Variants in MIS18A observed in about 807,000 individuals in gnomAD.
MIS18A encodes MIS18 kinetochore protein A, also known as protein Mis18-alpha.
A neutral mutation model predicts 25.0 loss-of-function variants in MIS18A; 14 were observed. That is an observed-to-expected ratio of 0.56 (90% confidence interval 0.37 to 0.88). The LOEUF (loss-of-function observed/expected upper bound fraction) is 0.88. Ranked by LOEUF, MIS18A falls within the 40% of genes least tolerant of loss-of-function variation. The probability of loss-of-function intolerance (pLI) is 0.00; values close to 1 mark genes in which losing one functional copy is unlikely to be tolerated. For missense variants in MIS18A, 292 were observed against 290.8 expected, an observed-to-expected ratio of 1.00 and a Z score of -0.03; for synonymous variants, 134 against 118.6, an observed-to-expected ratio of 1.13 and a Z score of -0.84.
the MIS18A span, among the ~76,000 whole-genome samples, chr21:32,161,810 G>GT: frequency 9.3e-5 from 14 of 151,050 alleles, no homozygotes; most frequent in East Asian, 2.7e-3. Context: ...TTAAATAAAC[G>GT]TTTTTTGACT....
the MIS18A span, among the ~76,000 whole-genome samples, chr21:32,192,707 C>T: frequency 6.6e-6 from 1 of 152,232 alleles, no homozygotes; most frequent in Non-Finnish European, 1.5e-5. Context: ...CTCCCCACTT[C>T]CCCCTCTACA....
chr21:32,172,566 G>GT, the MIS18A span, among the ~76,000 whole-genome samples: 8 of 145,102 alleles, frequency 5.5e-5, no homozygotes, highest in Non-Finnish European at 1.2e-4. Flanking sequence ...TCCCAGATGC[G>GT]TTTTTTTTCC....
At chr21:32,194,167 G>A in the MIS18A span, among the ~76,000 whole-genome samples, 2 of 152,062 alleles carry the variant, frequency 1.3e-5, no homozygotes, top group Non-Finnish European at 2.9e-5. Flanking sequence ...GCCTTTCCAC[G>A]CAAGCCCTGA....
At chr21:32,175,388 C>G in the MIS18A span, among the ~76,000 whole-genome samples, 1 of 152,208 alleles carries the variant, frequency 6.6e-6, no homozygotes, top group East Asian at 1.9e-4. Context: ...TTAGGTCACA[C>G]AAATTTATAA....
chr21:32,269,840 G>T, intron 3 of MIS18A, 37 bp from the exon 4 acceptor site: 1 of 1,253,274 alleles, frequency 8.0e-7, no homozygotes, highest in Non-Finnish European at 1.2e-6. Context: ...CAAGCTGGGT[G>T]TGGTGGCATG....
chr21:32,247,296 C>T, the MIS18A span, among the ~76,000 whole-genome samples: 2 of 152,166 alleles, frequency 1.3e-5, no homozygotes, highest in Non-Finnish European at 2.9e-5. Context: ...CATCCCGTGG[C>T]TCAGGATTTG....
chr21:32,209,190 T>C, the MIS18A span, among the ~76,000 whole-genome samples: 1 of 151,740 alleles, frequency 6.6e-6, no homozygotes, highest in African/African-American at 2.4e-5. Context: ...ATGTTAAAAC[T>C]GGATACATTC....
At chr21:32,203,772 A>G in the MIS18A span, among the ~76,000 whole-genome samples, 1 of 151,946 alleles carries the variant, frequency 6.6e-6, no homozygotes, top group African/African-American at 2.4e-5. Context: ...ACATGCCACC[A>G]TGCCCAGCTA....
At position 32,269,821 on chromosome 21, in the gene MIS18A, G is replaced by C; in HGVS notation, c.525-18C>G. The C allele has an allele frequency of 2.7e-6, 4 of 1,458,352 alleles. No individual in the cohort carries two copies. The highest frequency in any genetic ancestry group is 3.9e-6 in the Non-Finnish European group (4 of 1,038,960). 90.3% of individuals were successfully genotyped at this position (1,458,352 alleles called of 1,614,324 possible). A position where few individuals can be genotyped will look rare whatever the true frequency, so the allele number is the denominator to read the frequency against. On this transcript the variant is annotated intron_variant, in intron 3 of 4. Coordinates refer to ENST00000290130, the MANE Select transcript of MIS18A (RefSeq NM_018944.3). ...AAACATAACTGAAGTACGGTACAAG[G>C]TTAAAATACAAGCTGGGTGTGGTGG...
the MIS18A span, among the ~76,000 whole-genome samples, chr21:32,159,828 A>G: frequency 4.6e-5 from 7 of 152,236 alleles, no homozygotes; most frequent in African/African-American, 1.7e-4. Flanking sequence ...GTCAACAGAA[A>G]GGAATGCTCA....
At chr21:32,155,932 C>A in the MIS18A span, among the ~76,000 whole-genome samples, 4 of 143,630 alleles carry the variant, frequency 2.8e-5, no homozygotes, top group Admixed American at 2.9e-4. Flanking sequence ...GGTAAAATAA[C>A]CAGTGTCACC....
At chr21:32,200,329 A>G in the MIS18A span, among the ~76,000 whole-genome samples, 1 of 152,146 alleles carries the variant, frequency 6.6e-6, no homozygotes, top group Non-Finnish European at 1.5e-5. Flanking sequence ...GGAACATTCT[A>G]GATCAATTGT....
chr21:32,276,460 C>CA (rs558102501), intron 1 of MIS18A, among the ~76,000 whole-genome samples: 1,899 of 72,616 alleles, frequency 0.026, 332 homozygotes, highest in African/African-American at 0.062. Flanking sequence ...GACTCTGTCT[C>CA]AAAAAAAAAA....
the MIS18A span, among the ~76,000 whole-genome samples, chr21:32,211,842 G>C: frequency 1.3e-5 from 2 of 152,154 alleles, no homozygotes; most frequent in East Asian, 1.9e-4. Flanking sequence ...ACATAATTTT[G>C]TTCCCATCTG....
rs770216513 is a variant in MIS18A, at chr21:32,278,684, G to T, written c.331C>A (p.Arg111Ser). The change falls in exon 1 of 5, where the codon CGC (arginine) becomes AGC (serine). Residue 111 changes from arginine (R) to serine (S), a missense_variant. Transcript: ENST00000290130. Reference sequence around the variant, plus strand: ...TGCCCGGCTCGACCCAACTGACAGCGAAGCAGGATGCAGTTGGTGTCCTCC... The same window carrying T: ...TGCCCGGCTCGACCCAACTGACAGCTAAGCAGGATGCAGTTGGTGTCCTCC... ...SQEDTNCILL[R>S]CVSCNVSVDK... is the part of the protein sequence containing the mutation. The T allele has an allele frequency of 6.5e-7, 1 of 1,550,272 alleles. No homozygotes were observed. Among genetic ancestry groups the T allele is most frequent in the Non-Finnish European group, 8.7e-7 (1 of 1,152,864 alleles).
At chr21:32,258,414 A>G in the MIS18A span, among the ~76,000 whole-genome samples, 4 of 152,178 alleles carry the variant, frequency 2.6e-5, no homozygotes, top group East Asian at 7.7e-4. Flanking sequence ...GAAGGGATAA[A>G]GTCAGGTTGC....
chr21:32,175,345 T>C, the MIS18A span, among the ~76,000 whole-genome samples: 4,497 of 152,274 alleles, frequency 0.03, 202 homozygotes, highest in East Asian at 0.11. Context: ...GACATTCTTG[T>C]ACGCTACTGT....
At chr21:32,168,155 T>A in the MIS18A span, among the ~76,000 whole-genome samples, 1 of 152,170 alleles carries the variant, frequency 6.6e-6, no homozygotes, top group African/African-American at 2.4e-5. Context: ...AAGGCAGCCA[T>A]CTGCAAGCGA....
At chr21:32,167,869 G>A in the MIS18A span, among the ~76,000 whole-genome samples, 1 of 152,258 alleles carries the variant, frequency 6.6e-6, no homozygotes, top group Non-Finnish European at 1.5e-5. Flanking sequence ...ATTTTCCAAG[G>A]AGAAAACATA....
Sources: gnomAD v4.1 joint callset for allele counts (sites outside exome capture counted in the v4.1 genomes callset) on GRCh38, gnomAD v4.1.1 for gene constraint, MANE v1.5 for transcripts, NCBI Gene and HGNC (gene_info 2026-07-23, HGNC 2026-07-21) for gene names.